The following LNPK variants were observed in gnomAD, a reference collection of about 807,000 sequenced individuals.
The protein encoded by LNPK is lunapark, ER junction formation factor.
LNPK carries 29 observed loss-of-function variants against 55.2 expected under a neutral mutation model. That is an observed-to-expected ratio of 0.53 (90% CI 0.39 to 0.72). The LOEUF is 0.72. Ranked by LOEUF, LNPK falls within the 30% of genes least tolerant of loss-of-function variation. LNPK has a pLI of 0.00. For missense variants in LNPK, 467 were observed against 494.8 expected, an observed-to-expected ratio of 0.94 and a Z score of 0.53; for synonymous variants, 162 against 168.2, an observed-to-expected ratio of 0.96 and a Z score of 0.29.
chr2:175,980,798 T>C (rs1171308931), intron 4 of LNPK, among the ~76,000 whole-genome samples: 3 of 151,622 alleles, frequency 2.0e-5, no homozygotes, highest in Non-Finnish European at 4.4e-5. Context: ...TCCCAGCTAC[T>C]TGGGAGGCTG....
chr2:175,971,325 T>C (rs1686653336), intron 5 of LNPK, among the ~76,000 whole-genome samples: 1 of 152,154 alleles, frequency 6.6e-6, no homozygotes. Context: ...CTAATAACTT[T>C]CCAAAATTAA....
At chr2:175,970,886 CAAG>C in intron 5 of LNPK, 82 bp from the exon 6 acceptor site, 5 of 1,188,112 alleles carry the variant, frequency 4.2e-6, no homozygotes, top group Non-Finnish European at 5.6e-6. Context: ...GTAGCAAACA[CAAG>C]AAAACTTTCT....
intron 8 of LNPK, among the ~76,000 whole-genome samples, chr2:175,952,173 T>C (rs1427104598): frequency 4.6e-5 from 7 of 152,074 alleles, no homozygotes; most frequent in Non-Finnish European, 1.0e-4. Context: ...GCAATATTCA[T>C]ATTTTCCCTA....
chr2:175,993,144 T>A (rs1202320867), intron 3 of LNPK, 38 bp downstream of exon 3: 3 of 1,288,996 alleles, frequency 2.3e-6, no homozygotes, highest in Non-Finnish European at 3.3e-6. Context: ...ACTTAATACC[T>A]AAAATGAATT....
At chr2:175,937,948 T>C (rs760012498) in intron 11 of LNPK, 1 of 181,308 alleles carries the variant, frequency 5.5e-6, no homozygotes, top group Non-Finnish European at 1.1e-5. Context: ...TAGTTTTTAA[T>C]AGTGGCTACA....
At chr2:175,951,607 A>ATATCTATCTATC (rs1553501590) in intron 8 of LNPK, among the ~76,000 whole-genome samples, 5 of 121,724 alleles carry the variant, frequency 4.1e-5, no homozygotes, top group Admixed American at 1.6e-4. Flanking sequence ...ATATATATAT[A>ATATCTATCTATC]TATCTCAGTT....
At chr2:175,940,150 A>G (rs1270151094) in intron 9 of LNPK, among the ~76,000 whole-genome samples, 1 of 152,072 alleles carries the variant, frequency 6.6e-6, no homozygotes, top group Admixed American at 6.6e-5. Flanking sequence ...TGAGAAGACT[A>G]AAAACAAAAC....
chr2:175,961,094 C>T (rs2105614512), intron 8 of LNPK, among the ~76,000 whole-genome samples: 1 of 152,220 alleles, frequency 6.6e-6, no homozygotes, highest in East Asian at 1.9e-4. Flanking sequence ...ATTACAGGAC[C>T]AAATGAATTC....
chr2:175,953,940 C>T (rs892383378), intron 8 of LNPK, among the ~76,000 whole-genome samples: 2 of 151,916 alleles, frequency 1.3e-5, no homozygotes, highest in East Asian at 3.9e-4. Flanking sequence ...TTCATATGAC[C>T]CCTACTTTCC....
At chr2:175,933,384 C>A (rs1195756015) in intron 12 of LNPK, among the ~76,000 whole-genome samples, 1 of 152,132 alleles carries the variant, frequency 6.6e-6, no homozygotes, top group Non-Finnish European at 1.5e-5. Flanking sequence ...AAATAATAGT[C>A]TAGCAAAACA....
intron 8 of LNPK, among the ~76,000 whole-genome samples, chr2:175,952,363 GTATAATTTTATACTATAGTAC>G (rs1685463649): frequency 2.0e-5 from 3 of 151,642 alleles, no homozygotes; most frequent in African/African-American, 7.3e-5. Flanking sequence ...TTATACTATA[GTATAATTTTATACTATAGTAC>G]TATAGTTAGG....
chr2:176,002,276 C>G (rs1340747007), upstream of LNPK: 1 of 445,480 alleles, frequency 2.2e-6, no homozygotes, highest in Admixed American at 2.4e-5. Flanking sequence ...ACAAGCCGGG[C>G]CAACTCCTTC....
intron 9 of LNPK, among the ~76,000 whole-genome samples, chr2:175,943,360 T>C (rs76600892): frequency 0.079 from 11,921 of 151,688 alleles, 494 homozygotes; most frequent in South Asian, 0.098. Context: ...GTCCAGAGAA[T>C]TGAATAGGGA....
chr2:175,995,215 C>T lies in LNPK; in HGVS notation c.27+343G>A, dbSNP rs112365630. On this transcript the variant is annotated intron_variant, in intron 2 of 12. Transcript: ENST00000272748. ...GATTATAGATGTGAGCCACCACACCCGGCCTAGAATACTTACTTTCAACTA... is the reference window on the plus strand; with the variant it reads ...GATTATAGATGTGAGCCACCACACCTGGCCTAGAATACTTACTTTCAACTA... Among the ~76,000 whole-genome samples, 861 of 152,066 alleles carry T rather than the reference C, an allele frequency of 5.7e-3. 6 individuals are homozygous for T. Among genetic ancestry groups the T allele is most frequent in the African/African-American group, 0.019 (790 of 41,462 alleles).
At position 175,925,746 on chromosome 2, in the gene LNPK, C is replaced by T; in HGVS notation, c.*4221G>A. ...ATGGCGCAATCTCTGCTCACTGCAA[C>T]CTCTGCCTCCCGTGTTCAAGCAATT... On this transcript the variant is annotated 3_prime_UTR_variant, in exon 13 of 13. Coordinates refer to ENST00000272748, the MANE Select transcript of LNPK (RefSeq NM_030650.3). The T allele has an allele frequency of 6.6e-6, 1 of 151,868 alleles. No individual in the cohort carries two copies. 9.4% of individuals were successfully genotyped at this position (151,868 alleles called of 1,614,324 possible).
chr2:175,964,320 G>A, intron 8 of LNPK, 52 bp downstream of exon 8: 1 of 1,466,904 alleles, frequency 6.8e-7, no homozygotes, highest in East Asian at 2.3e-5. Flanking sequence ...AACTCACTTG[G>A]GTAATTATGG....
At chr2:175,964,271 A>C in intron 8 of LNPK, 101 bp downstream of exon 8, 1 of 813,338 alleles carries the variant, frequency 1.2e-6, no homozygotes, top group Non-Finnish European at 2.0e-6. Context: ...ACACAGAAGC[A>C]TTCTACATAA....
intron 9 of LNPK, among the ~76,000 whole-genome samples, chr2:175,947,232 A>C (rs555245341): frequency 6.6e-6 from 1 of 152,342 alleles, no homozygotes; most frequent in East Asian, 1.9e-4. Context: ...AGAATAATAC[A>C]AAGTTTTATT....
At chr2:175,949,563 C>T (rs577945572) in intron 8 of LNPK, among the ~76,000 whole-genome samples, 3 of 152,122 alleles carry the variant, frequency 2.0e-5, no homozygotes, top group African/African-American at 7.2e-5. Flanking sequence ...TTCCTCTTCA[C>T]GAAGACTTGA....
Sources: gnomAD v4.1 joint callset for allele counts (sites outside exome capture counted in the v4.1 genomes callset) on GRCh38, gnomAD v4.1.1 for gene constraint, MANE v1.5 for transcripts, NCBI Gene and HGNC (gene_info 2026-07-23, HGNC 2026-07-21) for gene names.